The following CNGB3 variants were observed in gnomAD, a reference collection of about 807,000 sequenced individuals.
CNGB3 encodes cyclic nucleotide-gated channel beta-3.
Under a neutral mutation model 92.8 loss-of-function variants are expected in CNGB3, and 86 were observed. The ratio of observed to expected loss-of-function variants is 0.93; its 90% CI spans 0.78 to 1.11. The LOEUF is 1.11. CNGB3 is among the 50% of genes least tolerant of loss of function. The pLI is 0.00. For missense variants in CNGB3, 1,026 were observed against 956.8 expected, an observed-to-expected ratio of 1.07 and a Z score of -0.95; for synonymous variants, 333 against 332.7, an observed-to-expected ratio of 1.00 and a Z score of -0.01.
chr8:86,715,089 C>T (rs1288968891), intron 3 of CNGB3, among the ~76,000 whole-genome samples: 1 of 152,118 alleles, frequency 6.6e-6, no homozygotes, highest in Non-Finnish European at 1.5e-5. Flanking sequence ...GACGTAATAT[C>T]TTGGGAGCTC....
chr8:86,659,591 G>C (rs1823590883), intron 6 of CNGB3: 16 of 551,854 alleles, frequency 2.9e-5, no homozygotes, highest in South Asian at 2.1e-4. Flanking sequence ...AGAGACAGCA[G>C]AGAGAGCCCA....
At chr8:86,729,645 T>A (rs1331263316) in intron 2 of CNGB3, among the ~76,000 whole-genome samples, 3 of 152,202 alleles carry the variant, frequency 2.0e-5, no homozygotes, top group African/African-American at 7.2e-5. Flanking sequence ...AAAAAACCCA[T>A]GAGGACTCAA....
intron 15 of CNGB3, chr8:86,594,445 C>T (rs767440367): frequency 1.4e-5 from 4 of 289,734 alleles, no homozygotes; most frequent in Admixed American, 1.3e-4. Flanking sequence ...GGTGCATGTT[C>T]ATGAGCTTGT....
At chr8:86,646,430 T>C (rs1388289799) in intron 8 of CNGB3, among the ~76,000 whole-genome samples, 1 of 151,184 alleles carries the variant, frequency 6.6e-6, no homozygotes, top group Non-Finnish European at 1.5e-5. Flanking sequence ...TGGAGTTAGA[T>C]AAATGTGATA....
chr8:86,732,003 C>A (rs1027560988), intron 2 of CNGB3, among the ~76,000 whole-genome samples: 2 of 152,084 alleles, frequency 1.3e-5, no homozygotes, highest in East Asian at 1.9e-4. Context: ...CAGAAAGAAG[C>A]CTAAAAGCAC....
chr8:86,610,862 A>G (rs1822503745), intron 14 of CNGB3, among the ~76,000 whole-genome samples: 1 of 152,210 alleles, frequency 6.6e-6, no homozygotes, highest in Non-Finnish European at 1.5e-5. Context: ...ACATTTGAAA[A>G]TTGATCCTGA....
At chr8:86,739,132 A>G (rs184575739) in intron 2 of CNGB3, among the ~76,000 whole-genome samples, 10 of 152,290 alleles carry the variant, frequency 6.6e-5, no homozygotes, top group Non-Finnish European at 1.3e-4. Context: ...TAAAAAAGAA[A>G]TTGACCTGAT....
intron 13 of CNGB3, among the ~76,000 whole-genome samples, chr8:86,616,386 C>T (rs2131571980): frequency 6.6e-6 from 1 of 152,056 alleles, no homozygotes; most frequent in Admixed American, 6.6e-5. Flanking sequence ...TGGATTTAGG[C>T]CTAGTGAAAT....
intron 6 of CNGB3, among the ~76,000 whole-genome samples, chr8:86,660,962 C>T (rs1478414055): frequency 1.3e-5 from 2 of 152,136 alleles, no homozygotes; most frequent in Non-Finnish European, 2.9e-5. Flanking sequence ...AGCCATGGTC[C>T]AGAAACACAA....
intron 3 of CNGB3, among the ~76,000 whole-genome samples, chr8:86,706,545 A>G (rs760689673): frequency 3.9e-5 from 6 of 152,206 alleles, no homozygotes; most frequent in Non-Finnish European, 8.8e-5. Flanking sequence ...TCCTGGGGGA[A>G]GTAAAACCTT....
rs564759960 is a variant in CNGB3, at chr8:86,632,879, T to C, written c.1193A>G (p.Tyr398Cys). The C allele has an allele frequency of 2.3e-5, 37 of 1,612,416 alleles. No individual in the cohort carries two copies. The South Asian group carries it at 4.1e-4, about 18-fold the overall frequency. ...AATTAAAGTTCGAACTGCCCAATAA[T>C]AACATCTCAGATACCTGTGAAAACA... ...DGEGNEYLRC[Y>C]YWAVRTLITI... Residue 398 changes from tyrosine to cysteine, a missense_variant, in exon 11 of 18, where the codon TAT becomes TGT. Physicochemically the swap from Tyr to Cys is radical, Grantham distance 194. Transcript: ENST00000320005.
intron 15 of CNGB3, among the ~76,000 whole-genome samples, chr8:86,580,192 G>GT (rs35544814): frequency 1.4e-4 from 20 of 143,810 alleles, no homozygotes; most frequent in South Asian, 1.1e-3. Context: ...GAATAGCACG[G>GT]GGGGGGTGGC....
chr8:86,656,580 C>T (rs1399913595), intron 6 of CNGB3, among the ~76,000 whole-genome samples: 1 of 152,128 alleles, frequency 6.6e-6, no homozygotes, highest in Non-Finnish European at 1.5e-5. Context: ...CATGATTATA[C>T]CAGTGACATT....
chr8:86,642,683 TA>T (rs1823214218), intron 10 of CNGB3, among the ~76,000 whole-genome samples: 1 of 151,720 alleles, frequency 6.6e-6, no homozygotes, highest in Admixed American at 6.6e-5. Context: ...AGCAGAAAGT[TA>T]GTGAAGTCAA....
intron 13 of CNGB3, among the ~76,000 whole-genome samples, chr8:86,615,601 T>C (rs1822604059): frequency 6.6e-6 from 1 of 152,006 alleles, no homozygotes; most frequent in South Asian, 2.1e-4. Context: ...AGACCCTGTC[T>C]TAAAAAAATA....
At chr8:86,628,244 C>T (rs1357699381) in intron 12 of CNGB3, among the ~76,000 whole-genome samples, 2 of 152,086 alleles carry the variant, frequency 1.3e-5, no homozygotes, top group Non-Finnish European at 2.9e-5. Context: ...CCACATTCTG[C>T]TAATTTTTGT....
intron 3 of CNGB3, among the ~76,000 whole-genome samples, chr8:86,716,137 G>C (rs1460218962): frequency 6.6e-6 from 1 of 152,032 alleles, no homozygotes; most frequent in Non-Finnish European, 1.5e-5. Context: ...GAACTTCAGA[G>C]CTCAAAGACG....
intron 7 of CNGB3, 102 bp from the exon 8 acceptor site, chr8:86,647,989 T>C: frequency 1.3e-6 from 1 of 797,316 alleles, no homozygotes; most frequent in South Asian, 1.4e-5. Flanking sequence ...TCACAATATA[T>C]TATTTGTTGT....
chr8:86,663,712 GTCT>G (rs1385874569), intron 6 of CNGB3, among the ~76,000 whole-genome samples: 1 of 152,186 alleles, frequency 6.6e-6, no homozygotes, highest in Admixed American at 6.5e-5. Flanking sequence ...AATGTGCATA[GTCT>G]TCTTACCAAA....
Sources: gnomAD v4.1 joint callset for allele counts (sites outside exome capture counted in the v4.1 genomes callset) on GRCh38, gnomAD v4.1.1 for gene constraint, MANE v1.5 for transcripts, NCBI Gene and HGNC (gene_info 2026-07-23, HGNC 2026-07-21) for gene names.